CDH18: variants seen among roughly 807,000 people sequenced by gnomAD.
CDH18 encodes the protein cadherin-18.
In CDH18, 31 loss-of-function variants were observed where a neutral mutation model predicts 67.9. The observed-to-expected ratio is 0.46, with a 90% CI of 0.34 to 0.62. The LOEUF is 0.62. Ranked by LOEUF, CDH18 falls within the 20% of genes least tolerant of loss-of-function variation. CDH18 has a pLI of 0.01. For missense variants in CDH18, 890 were observed against 975.5 expected (o/e 0.91, Z 1.17); for synonymous variants, 362 against 347.2 (o/e 1.04, Z -0.48).
intron 10 of CDH18, among the ~76,000 whole-genome samples, chr5:19,515,127 G>C (rs2126859765): frequency 6.6e-6 from 1 of 151,798 alleles, no homozygotes; most frequent in South Asian, 2.1e-4. Context: ...TTATTGTTTT[G>C]TCAAGTTTGT....
intron 2 of CDH18, among the ~76,000 whole-genome samples, chr5:19,961,159 G>A (rs534004097): frequency 2.8e-5 from 4 of 145,302 alleles, no homozygotes; most frequent in Admixed American, 1.4e-4. Context: ...CTGGAGTGCA[G>A]TGGCGCGATC....
intron 3 of CDH18, among the ~76,000 whole-genome samples, chr5:19,778,732 C>T (rs1214175486): frequency 6.6e-6 from 1 of 152,032 alleles, no homozygotes; most frequent in Non-Finnish European, 1.5e-5. Flanking sequence ...ACAGTGGACA[C>T]CACAAAACCA....
chr5:20,283,931 C>G (rs1215588030), intron 1 of CDH18, among the ~76,000 whole-genome samples: 1 of 151,940 alleles, frequency 6.6e-6, no homozygotes, highest in African/African-American at 2.4e-5. Context: ...GGAATGAGAT[C>G]CTATCATTGA....
At chr5:19,616,444 C>A (rs1749854886) in intron 5 of CDH18, among the ~76,000 whole-genome samples, 1 of 152,076 alleles carries the variant, frequency 6.6e-6, no homozygotes, top group South Asian at 2.1e-4. Flanking sequence ...CAATGATTTT[C>A]TCAGGAAATT....
intron 4 of CDH18, among the ~76,000 whole-genome samples, chr5:19,734,394 GT>G (rs1479077508): frequency 4.9e-4 from 75 of 152,114 alleles, no homozygotes; most frequent in Non-Finnish European, 9.6e-4. Flanking sequence ...GATAAGAACT[GT>G]TTTCTTTTAT....
At chr5:19,526,300 C>A (rs950416964) in intron 9 of CDH18, among the ~76,000 whole-genome samples, 3 of 152,076 alleles carry the variant, frequency 2.0e-5, no homozygotes, top group African/African-American at 7.2e-5. Context: ...ATATAAAAAT[C>A]ATCTGTGCTT....
At chr5:20,384,080 T>C (rs531603121) in intron 1 of CDH18, among the ~76,000 whole-genome samples, 1 of 151,642 alleles carries the variant, frequency 6.6e-6, no homozygotes, top group Non-Finnish European at 1.5e-5. Context: ...ATATAGAGAA[T>C]TTTCCCTCCT....
intron 2 of CDH18, among the ~76,000 whole-genome samples, chr5:20,172,215 T>TAC (rs1561848572): frequency 2.8e-4 from 8 of 28,736 alleles, no homozygotes; most frequent in East Asian, 1.1e-3. Flanking sequence ...TATATATATA[T>TAC]ATATATATGT....
At chr5:19,606,656 T>C (rs1332658073) in intron 6 of CDH18, among the ~76,000 whole-genome samples, 1 of 151,800 alleles carries the variant, frequency 6.6e-6, no homozygotes, top group Non-Finnish European at 1.5e-5. Context: ...TGTAGAATAA[T>C]AATTATTATA....
At position 20,412,965 on chromosome 5, in the gene CDH18, C is replaced by T. The variant is rs571808107; in HGVS notation, c.-579-157460G>A. On this transcript the variant is annotated intron_variant, in intron 1 of 14. Transcript: ENST00000507958. ...CTCCTAATGCTATCCCTCCCCAATC[C>T]CCGCACCCCACGACAGGCCCCGGTG... Among the ~76,000 whole-genome samples, 28 of 152,252 alleles carry T rather than the reference C, an allele frequency of 1.8e-4. 1 individual carries two copies. The highest frequency in any genetic ancestry group is 5.8e-4 in the African/African-American group (24 of 41,548).
At chr5:20,422,784 T>G (rs1399173468) in intron 1 of CDH18, among the ~76,000 whole-genome samples, 1 of 151,108 alleles carries the variant, frequency 6.6e-6, no homozygotes, top group Non-Finnish European at 1.5e-5. Flanking sequence ...TAACTTTAAG[T>G]GTTTATAGAG....
chr5:20,314,351 C>G (rs906163412), intron 1 of CDH18, among the ~76,000 whole-genome samples: 1 of 151,900 alleles, frequency 6.6e-6, no homozygotes, highest in Non-Finnish European at 1.5e-5. Context: ...TACAAAGTGC[C>G]CACTATAGTT....
At chr5:19,502,647 T>C (rs1197907311) in intron 11 of CDH18, 2 of 462,214 alleles carry the variant, frequency 4.3e-6, no homozygotes, top group African/African-American at 4.0e-5. Context: ...CTCTAGGATA[T>C]ATTTTTCATT....
chr5:19,929,568 T>C (rs1480407284), intron 2 of CDH18, among the ~76,000 whole-genome samples: 1 of 152,102 alleles, frequency 6.6e-6, no homozygotes, highest in Non-Finnish European at 1.5e-5. Flanking sequence ...ATTGGCTTTG[T>C]CAAACAATTT....
chr5:20,316,083 T>C (rs993662517), intron 1 of CDH18, among the ~76,000 whole-genome samples: 3 of 152,112 alleles, frequency 2.0e-5, no homozygotes, highest in Non-Finnish European at 4.4e-5. Context: ...CAGTGTGAGC[T>C]TTGGCAAGAC....
intron 2 of CDH18, among the ~76,000 whole-genome samples, chr5:19,873,844 C>T (rs1786620756): frequency 6.6e-6 from 1 of 152,024 alleles, no homozygotes; most frequent in African/African-American, 2.4e-5. Flanking sequence ...GATGGGGTTT[C>T]ACCATGTTGC....
intron 2 of CDH18, among the ~76,000 whole-genome samples, chr5:19,957,285 C>G (rs900804786): frequency 2.0e-5 from 3 of 151,378 alleles, no homozygotes; most frequent in African/African-American, 7.3e-5. Context: ...AACATAAACA[C>G]ACAAACATGC....
At chr5:20,543,805 T>G (rs1757186594) in intron 1 of CDH18, among the ~76,000 whole-genome samples, 1 of 152,170 alleles carries the variant, frequency 6.6e-6, no homozygotes, top group Non-Finnish European at 1.5e-5. Context: ...TCAGTACAAT[T>G]GTACACTTAA....
chr5:19,610,525 T>C (rs138734974), intron 6 of CDH18, among the ~76,000 whole-genome samples: 319 of 152,162 alleles, frequency 2.1e-3, no homozygotes, highest in African/African-American at 7.4e-3. Flanking sequence ...GATGCTATAT[T>C]TACTACAAAC....
Sources: allele counts gnomAD v4.1 joint callset (sites outside exome capture counted in the v4.1 genomes callset), GRCh38; gene constraint gnomAD v4.1.1; transcripts MANE v1.5; gene names NCBI Gene and HGNC (gene_info 2026-07-23, HGNC 2026-07-21).